RBFOX2: variants seen among roughly 807,000 people sequenced by gnomAD.
RBFOX2 encodes the protein RNA binding protein fox-1 homolog 2.
Under a neutral mutation model 49.1 loss-of-function variants are expected in RBFOX2, and 10 were observed. The ratio of observed to expected loss-of-function variants is 0.20; its 90% CI spans 0.13 to 0.35. The LOEUF is 0.35. Among genes scored for constraint, RBFOX2 ranks in the 10% least tolerant of loss-of-function variants. RBFOX2 has a pLI of 1.00. For synonymous variants in RBFOX2, 183 were observed against 187.4 expected (o/e 0.98, Z 0.19); for missense variants, 323 against 486.9 (o/e 0.66, Z 3.17).
At chr22:35,809,738 T>C in intron 2 of RBFOX2, 42 bp downstream of exon 3, 3 of 1,578,778 alleles carry the variant, frequency 1.9e-6, no homozygotes, top group East Asian at 2.2e-5. Flanking sequence ...TTCTATATGA[T>C]TGCCATGCAT....
upstream of RBFOX2, among the ~76,000 whole-genome samples, chr22:35,843,567 T>C (rs879321086): frequency 2.0e-4 from 31 of 152,192 alleles, no homozygotes; most frequent in Non-Finnish European, 4.0e-4. Flanking sequence ...GGACATTTTA[T>C]GTCTTCTTTG....
chr22:35,885,843 A>ATTTTTTTTTTTTTTTTTTTTTTTTTTT (rs538674450), intron 1 of RBFOX2, among the ~76,000 whole-genome samples: 1 of 83,146 alleles, frequency 1.2e-5, no homozygotes, highest in African/African-American at 5.3e-5. Flanking sequence ...CCCAAACCTA[A>ATTTTTTTTTTTTTTTTTTTTTTTTTTT]TTTTTTTTTT....
chr22:36,016,233 T>C (rs7286305), intron 1 of RBFOX2, among the ~76,000 whole-genome samples: 98,594 of 152,012 alleles, frequency 0.65, 33,855 homozygotes, highest in East Asian at 0.92. Flanking sequence ...TTGAAAGAAA[T>C]TTCTATGAGC....
At chr22:35,842,118 C>T (rs955496706), upstream of RBFOX2, among the ~76,000 whole-genome samples, 6 of 152,134 alleles carry the variant, frequency 3.9e-5, no homozygotes, top group African/African-American at 1.2e-4. Flanking sequence ...CATCATTACA[C>T]CCGCTCCTAA....
intron 1 of RBFOX2, among the ~76,000 whole-genome samples, chr22:35,862,159 G>A (rs924622581): frequency 6.6e-6 from 1 of 152,094 alleles, no homozygotes; most frequent in South Asian, 2.1e-4. Flanking sequence ...CTACAAAGGG[G>A]CATGAGAAAA....
intron 2 of RBFOX2, among the ~76,000 whole-genome samples, chr22:35,787,318 A>T (rs562625443): frequency 6.6e-6 from 1 of 152,328 alleles, no homozygotes; most frequent in Non-Finnish European, 1.5e-5. Flanking sequence ...AATTATAGGC[A>T]TGAGCCACTG....
chr22:35,924,547 C>G (rs542671167), intron 1 of RBFOX2, among the ~76,000 whole-genome samples: 1 of 152,328 alleles, frequency 6.6e-6, no homozygotes, highest in Non-Finnish European at 1.5e-5. Context: ...CATCAGATAT[C>G]TAGCTTCTTA....
At chr22:35,850,104 C>T (rs2041734197) in intron 1 of RBFOX2, among the ~76,000 whole-genome samples, 1 of 151,800 alleles carries the variant, frequency 6.6e-6, no homozygotes, top group African/African-American at 2.4e-5. Flanking sequence ...CACAGAAAGG[C>T]AGATGGGACT....
At chr22:35,981,641 CAA>C (rs879304923) in intron 1 of RBFOX2, among the ~76,000 whole-genome samples, 13 of 96,606 alleles carry the variant, frequency 1.3e-4, no homozygotes, top group African/African-American at 1.6e-4. Context: ...GACTCCATTT[CAA>C]AAAAAAAAAA....
chr22:35,941,264 A>G (rs2053658472), upstream of RBFOX2, among the ~76,000 whole-genome samples: 1 of 152,152 alleles, frequency 6.6e-6, no homozygotes, highest in Admixed American at 6.6e-5. Flanking sequence ...TTACTTCCAC[A>G]CACCATTCTC....
intron 1 of RBFOX2, among the ~76,000 whole-genome samples, chr22:35,869,884 T>G (rs1245583423): frequency 2.0e-5 from 3 of 152,234 alleles, no homozygotes; most frequent in African/African-American, 7.2e-5. Flanking sequence ...TACTTTTATC[T>G]TCTGAAACTT....
At chr22:35,926,482 T>C (rs956325711) in intron 1 of RBFOX2, among the ~76,000 whole-genome samples, 5 of 152,194 alleles carry the variant, frequency 3.3e-5, no homozygotes, top group Non-Finnish European at 7.4e-5. Flanking sequence ...GGTCAATCTA[T>C]TGAAAAGTCA....
chr22:35,756,217 G>A (rs947191820), intron 9 of RBFOX2, 73 bp from the exon 11 acceptor site: 73 of 1,394,038 alleles, frequency 5.2e-5, no homozygotes, highest in Non-Finnish European at 6.1e-5. Context: ...TATTGAGGAC[G>A]GCAGCATGCA....
At chr22:35,816,851 TC>T (rs1440365933) in intron 1 of RBFOX2, among the ~76,000 whole-genome samples, 9 of 152,162 alleles carry the variant, frequency 5.9e-5, no homozygotes, top group African/African-American at 2.2e-4. Flanking sequence ...AGAAACTACT[TC>T]CATACAACCC....
At chr22:35,740,957 G>C (rs1254519902) in exon 12 of RBFOX2, 1 of 152,186 alleles carries the variant, frequency 6.6e-6, no homozygotes, top group African/African-American at 2.4e-5. Flanking sequence ...CTATTGTCTA[G>C]ATTTCCACTA....
intron 1 of RBFOX2, chr22:35,996,082 T>C (rs2058178034): frequency 1.3e-5 from 2 of 152,186 alleles, no homozygotes; most frequent in South Asian, 2.1e-4. Flanking sequence ...TTACACATGA[T>C]CCCATTCTGG....
chr22:35,961,435 C>T, intron 1 of RBFOX2: 2 of 964,624 alleles, frequency 2.1e-6, no homozygotes, highest in Middle Eastern at 2.8e-4. Context: ...GGCATTAATG[C>T]AGCTCAGCAC....
intron 1 of RBFOX2, among the ~76,000 whole-genome samples, chr22:36,022,109 A>G (rs1458375587): frequency 1.3e-5 from 2 of 152,252 alleles, no homozygotes; most frequent in Non-Finnish European, 1.5e-5. Flanking sequence ...TTACAAATGT[A>G]TATCAACAAA....
chr22:35,813,360 G>A (rs1473592640), intron 1 of RBFOX2, among the ~76,000 whole-genome samples: 1 of 152,144 alleles, frequency 6.6e-6, no homozygotes. Context: ...GTTCACATGA[G>A]TATTTCTAGG....
Sources: allele counts gnomAD v4.1 joint callset (sites outside exome capture counted in the v4.1 genomes callset), GRCh38; gene constraint gnomAD v4.1.1; transcripts MANE v1.5; gene names NCBI Gene and HGNC (gene_info 2026-07-23, HGNC 2026-07-21).